The following CFAP46 variants were observed in gnomAD, a reference collection of about 807,000 sequenced individuals.
CFAP46 encodes the protein cilia- and flagella-associated protein 46.
A neutral mutation model predicts 325.7 loss-of-function variants in CFAP46; 245 were observed. The ratio of observed to expected loss-of-function variants is 0.75; its 90% confidence interval spans 0.68 to 0.84. The LOEUF (loss-of-function observed/expected upper bound fraction) is 0.84. CFAP46 is among the 40% of genes least tolerant of loss of function. The pLI, the probability that CFAP46 is intolerant of heterozygous loss-of-function variation, is 0.00. For synonymous variants in CFAP46, 1,523 were observed against 1,495.9 expected, an observed-to-expected ratio of 1.02 and a Z score of -0.42; for missense variants, 3,346 against 3,543.0, an observed-to-expected ratio of 0.94 and a Z score of 1.41.
chr10:132,932,778 C>A (rs1381418142), intron 8 of CFAP46, among the ~76,000 whole-genome samples: 1 of 152,254 alleles, frequency 6.6e-6, no homozygotes, highest in Non-Finnish European at 1.5e-5. Flanking sequence ...CCACAGTGCT[C>A]CAGACAACTT....
chr10:132,925,406 G>A (rs117214978), intron 10 of CFAP46, among the ~76,000 whole-genome samples: 3,188 of 152,342 alleles, frequency 0.021, 53 homozygotes, highest in Non-Finnish European at 0.031. Flanking sequence ...GCTGCCCCTG[G>A]GCTGGGTGGG....
In CFAP46 at chr10:132,833,378, C is replaced by T. The variant is rs138288778; in HGVS notation, c.7097G>A (p.Arg2366His). Residue 2366 changes from arginine to histidine, a missense_variant, in exon 50 of 58, where the codon CGC becomes CAC. Coordinates refer to ENST00000368586, the MANE Select transcript of CFAP46 (RefSeq NM_001200049.3). ...REFSLQMLWNRLHKEETEGGV... is the reference protein window; with the variant it reads ...REFSLQMLWNHLHKEETEGGV... ...CCTACCTGTCTCTTCTTTATGGAGG[C>T]GATTCCACAGCATTTGAAGAGAAAA... is the stretch of plus-strand genomic sequence containing the variant. 62 of 1,613,780 alleles carry T rather than the reference C, an allele frequency of 3.8e-5. No homozygotes were observed. Among genetic ancestry groups the T allele is most frequent in the Non-Finnish European group, 5.0e-5 (59 of 1,179,904 alleles).
chr10:132,815,036 G>A (rs1038767751), intron 50 of CFAP46, 122 bp from the exon 51 acceptor site: 2 of 890,588 alleles, frequency 2.2e-6, no homozygotes, highest in Non-Finnish European at 3.6e-6. Flanking sequence ...AACAAGTTGT[G>A]AGAACAAGCG....
rs765937656 is a variant in CFAP46, at chr10:132,869,458, C to T, written c.4512-86G>A. On this transcript the variant is annotated intron_variant, in intron 32 of 57. Transcript: ENST00000368586. The surrounding 1 kb of genome is among the most constrained non-coding windows in gnomAD (Gnocchi z 6.2). The stretch of plus-strand genomic sequence containing the variant: ...AGCTACTAGTGTGCTTCACAGAAAA[C>T]GGTCAACTAACACATCGAGGCACAC... 8.2e-5 allele frequency: 77 copies of T among 936,830 alleles called. No individual in the cohort carries two copies. The highest frequency in any genetic ancestry group is 1.1e-4 in the Non-Finnish European group (71 of 661,534). The allele number at this position is 936,830 out of a possible 1,614,324, so 58.0% of individuals were successfully genotyped here. A position where few individuals can be genotyped will look rare whatever the true frequency, so the allele number is the denominator to read the frequency against.
At chr10:132,823,343 CTG>C (rs1847933483) in intron 50 of CFAP46, among the ~76,000 whole-genome samples, 1 of 87,910 alleles carries the variant, frequency 1.1e-5, no homozygotes, top group Non-Finnish European at 2.1e-5. Flanking sequence ...CTGATGTGTG[CTG>C]TGTGTGCTGA....
chr10:132,882,284 G>A (rs1849059191), intron 27 of CFAP46, among the ~76,000 whole-genome samples: 1 of 151,556 alleles, frequency 6.6e-6, no homozygotes, highest in Non-Finnish European at 1.5e-5. Flanking sequence ...GGTGTGAATG[G>A]TGTGTATGAG....
chr10:132,899,357 G>C (rs1015470951), intron 23 of CFAP46, among the ~76,000 whole-genome samples, 178 bp downstream of exon 23: 2 of 152,220 alleles, frequency 1.3e-5, no homozygotes, highest in African/African-American at 4.8e-5. Flanking sequence ...ACAAGGGCAA[G>C]AGGGGGCCGC....
In CFAP46 at chr10:132,910,009, G is replaced by A. The variant is rs566717234; in HGVS notation, c.2559C>T (p.Thr853=). The change falls in exon 20 of 58, where the codon ACC becomes ACT. Residue 853 remains threonine, a synonymous_variant. Transcript: ENST00000368586. ...TGGCGATAAGCTGCTGCCGGGTGCC[G>A]GTGGGCACCGTCTCCTCGGGCGCAC... ...NGSAPEETVP[T]GTRQQLIATW... The A allele has an allele frequency of 3.2e-5, 50 of 1,541,882 alleles. No individual in the cohort carries two copies. The East Asian group carries it at 3.5e-4, about 11-fold the overall frequency.
At position 132,876,905 on chromosome 10, in the gene CFAP46, C is replaced by T. The variant is rs933897627; in HGVS notation, c.4269G>A (p.Glu1423=). Residue 1423 remains glutamate (E), a synonymous_variant, in exon 31 of 58, where the codon GAG becomes GAA. Coordinates refer to ENST00000368586, the MANE Select transcript of CFAP46 (RefSeq NM_001200049.3). This position sits in a 1 kb window ranked among gnomAD's most constrained non-coding sequence, Gnocchi z 4.1. ...QLEDLPMSIE[E]WASYSCPEEV... ...CCTCGGGGCAGGAGTAGGAAGCCCA[C>T]TCTTCTATGCTCATGGGTAAGTCTT... 1 of 1,550,592 alleles carries T rather than the reference C, an allele frequency of 6.4e-7. No individual in the cohort carries two copies. The highest frequency in any genetic ancestry group is 8.7e-7 in the Non-Finnish European group (1 of 1,146,990).
intron 28 of CFAP46, among the ~76,000 whole-genome samples, chr10:132,880,544 C>T (rs977784102): frequency 6.6e-6 from 1 of 152,238 alleles, no homozygotes; most frequent in Non-Finnish European, 1.5e-5. Context: ...GCCGGCCCAG[C>T]TGTGTGCCCG....
In CFAP46 at chr10:132,810,575, G is replaced by A. The variant is rs1005703668; in HGVS notation, c.7584-86C>T. 15 of 1,198,172 alleles carry A rather than the reference G, an allele frequency of 1.3e-5. No individual in the cohort carries two copies. In the African/African-American group the frequency reaches 2.3e-4, roughly 18 times the overall value. 74.2% of individuals were successfully genotyped at this position (1,198,172 alleles called of 1,614,324 possible). ...GCGGGACAGGCCCGGGATGCCAGGG[G>A]CCCACGCACTTTCCCATAAGACGCT... On this transcript the variant is annotated intron_variant, in intron 56 of 57. Transcript: ENST00000368586.
At position 132,896,571 on chromosome 10, in the gene CFAP46, T is replaced by C. The variant is rs1380041977; in HGVS notation, c.3219+2388A>G. On this transcript the variant is annotated intron_variant, in intron 24 of 57. Coordinates refer to ENST00000368586, the MANE Select transcript of CFAP46 (RefSeq NM_001200049.3). ...TTACATGCTAAAAACTATAAAAGGT[T>C]GCTGAAAGAAATTAAAGATCTAAAT... Among the ~76,000 whole-genome samples, 3 of 152,294 alleles carry C rather than the reference T, an allele frequency of 2.0e-5. No homozygotes were observed. The East Asian group carries it at 5.8e-4, about 29-fold the overall frequency.
At chr10:132,837,556 C>T (rs1024750428) in intron 44 of CFAP46, among the ~76,000 whole-genome samples, 26 of 150,378 alleles carry the variant, frequency 1.7e-4, no homozygotes, top group African/African-American at 5.9e-4. Flanking sequence ...TGCGCACACA[C>T]AGACATGCAC....
At chr10:132,855,474 T>A (rs1319119013) in intron 39 of CFAP46, among the ~76,000 whole-genome samples, 1 of 152,164 alleles carries the variant, frequency 6.6e-6, no homozygotes, top group Non-Finnish European at 1.5e-5. Flanking sequence ...TTTTATATAA[T>A]CTGATAGATT....
chr10:132,831,547 A>G (rs1009150740), intron 50 of CFAP46, among the ~76,000 whole-genome samples: 63 of 152,080 alleles, frequency 4.1e-4, no homozygotes, highest in Non-Finnish European at 8.8e-5. Context: ...TTCTAATTTA[A>G]TCTCACCATG....
chr10:132,840,556 C>T (rs562040620), intron 44 of CFAP46, among the ~76,000 whole-genome samples: 1 of 152,188 alleles, frequency 6.6e-6, no homozygotes. Flanking sequence ...TTCTTGTATG[C>T]AAGGCTGTTA....
At chr10:132,882,392 G>A (rs905808929) in intron 27 of CFAP46, among the ~76,000 whole-genome samples, 3 of 151,864 alleles carry the variant, frequency 2.0e-5, no homozygotes, top group Non-Finnish European at 4.4e-5. Flanking sequence ...GCTGTGGGCT[G>A]TTAAGTTGGG....
chr10:132,892,499 G>A (rs1296575957), intron 24 of CFAP46, 82 bp from the exon 25 acceptor site: 12 of 1,297,368 alleles, frequency 9.2e-6, no homozygotes, highest in Non-Finnish European at 1.2e-5. Flanking sequence ...CTCCCCCTCT[G>A]AGCTCTGTGT....
At chr10:132,823,247 CGCTGATGTGTGCTGTGTGAGT>C (rs1316053447) in intron 50 of CFAP46, among the ~76,000 whole-genome samples, 5 of 75,914 alleles carry the variant, frequency 6.6e-5, no homozygotes, top group South Asian at 5.5e-4. Flanking sequence ...GCTGTGTGAG[CGCTGATGTGTGCTGTGTGAGT>C]GCTGATGTGT....
Sources: allele counts gnomAD v4.1 joint callset (sites outside exome capture counted in the v4.1 genomes callset), GRCh38; gene constraint gnomAD v4.1.1; non-coding constraint Gnocchi (gnomAD v3.1); transcripts MANE v1.5; gene names NCBI Gene and HGNC (gene_info 2026-07-23, HGNC 2026-07-21).